The following PDE4D variants were observed in gnomAD, a reference collection of about 807,000 sequenced individuals.
PDE4D encodes 3',5'-cyclic-AMP phosphodiesterase 4D.
Under a neutral mutation model 87.4 loss-of-function variants are expected in PDE4D, and 24 were observed. That is an observed-to-expected ratio of 0.27 (90% CI 0.20 to 0.39). The LOEUF is 0.39. Ranked by LOEUF, PDE4D falls within the 10% of genes least tolerant of loss-of-function variation. The pLI, the probability that PDE4D is intolerant of heterozygous loss-of-function variation, is 1.00. For missense variants in PDE4D, 714 were observed against 1,041.0 expected (o/e 0.69, Z 4.32); for synonymous variants, 384 against 383.2 (o/e 1.00, Z -0.02).
intron 1 of PDE4D, among the ~76,000 whole-genome samples, chr5:60,467,982 G>A (rs1185501437): frequency 2.6e-5 from 4 of 152,100 alleles, no homozygotes; most frequent in Admixed American, 2.6e-4. Context: ...AGATTTGGGT[G>A]GGAACCCAGA....
At chr5:60,142,172 T>C (rs1267078504) in intron 2 of PDE4D, among the ~76,000 whole-genome samples, 1 of 130,748 alleles carries the variant, frequency 7.6e-6, no homozygotes, top group African/African-American at 2.9e-5. Context: ...AAAGTTATAA[T>C]GGACAATACA....
chr5:60,325,101 A>T (rs958936986), intron 1 of PDE4D, among the ~76,000 whole-genome samples: 1 of 152,194 alleles, frequency 6.6e-6, no homozygotes, highest in African/African-American at 2.4e-5. Context: ...TTATATTCTA[A>T]GCCTTAAAAA....
intron 1 of PDE4D, among the ~76,000 whole-genome samples, chr5:60,393,058 GA>G (rs1344913209): frequency 4.6e-5 from 7 of 152,246 alleles, no homozygotes; most frequent in Non-Finnish European, 8.8e-5. Context: ...CTTTGATTGT[GA>G]AACTTCAAGT....
intron 6 of PDE4D, among the ~76,000 whole-genome samples, chr5:59,020,570 C>A (rs1754956963): frequency 6.6e-6 from 1 of 151,878 alleles, no homozygotes; most frequent in African/African-American, 2.4e-5. Context: ...AAGACAGAAA[C>A]CTTGACAAAA....
At chr5:59,100,373 T>C in intron 5 of PDE4D, among the ~76,000 whole-genome samples, 1 of 152,236 alleles carries the variant, frequency 6.6e-6, no homozygotes, top group East Asian at 1.9e-4. Flanking sequence ...TGTAGTTCCC[T>C]TTGTCTGAAA....
intron 1 of PDE4D, among the ~76,000 whole-genome samples, chr5:59,595,546 C>T (rs144199251): frequency 6.6e-5 from 10 of 152,168 alleles, no homozygotes; most frequent in African/African-American, 2.4e-4. Flanking sequence ...AAAAGTACTG[C>T]CTGGAAAAGA....
At chr5:59,700,073 C>G (rs1752344105) in intron 1 of PDE4D, among the ~76,000 whole-genome samples, 1 of 152,098 alleles carries the variant, frequency 6.6e-6, no homozygotes, top group Non-Finnish European at 1.5e-5. Context: ...TTTTAATACC[C>G]TGCACAATGA....
chr5:60,456,563 T>C (rs942335087), intron 1 of PDE4D, among the ~76,000 whole-genome samples: 20 of 152,220 alleles, frequency 1.3e-4, no homozygotes, highest in African/African-American at 4.8e-4. Context: ...CCTGCCCAAT[T>C]AGCACAAGAG....
intron 1 of PDE4D, among the ~76,000 whole-genome samples, chr5:60,415,995 T>C (rs916846519): frequency 6.6e-6 from 1 of 152,216 alleles, no homozygotes; most frequent in East Asian, 1.9e-4. Context: ...ACCCTGTGTC[T>C]ATCTCAGGGT....
intron 3 of PDE4D, among the ~76,000 whole-genome samples, chr5:59,943,210 TC>T (rs1199396754): frequency 1.5e-5 from 1 of 66,278 alleles, no homozygotes; most frequent in African/African-American, 4.7e-5. Flanking sequence ...ATTATTATTA[TC>T]CTTTTTTTTT....
At chr5:59,005,207 A>G (rs1751362534) in intron 6 of PDE4D, among the ~76,000 whole-genome samples, 1 of 152,146 alleles carries the variant, frequency 6.6e-6, no homozygotes, top group African/African-American at 2.4e-5. Context: ...CTTCCCTCTA[A>G]AATCTGCAGC....
At chr5:59,395,164 A>G in intron 1 of PDE4D, among the ~76,000 whole-genome samples, 1 of 151,690 alleles carries the variant, frequency 6.6e-6, no homozygotes, top group East Asian at 1.9e-4. Context: ...AGGGGCGCCC[A>G]CCATTGTCCA....
At chr5:60,484,448 T>C (rs1431490658) in intron 1 of PDE4D, among the ~76,000 whole-genome samples, 2 of 152,188 alleles carry the variant, frequency 1.3e-5, no homozygotes, top group East Asian at 3.8e-4. Flanking sequence ...ATATATCTGA[T>C]ACTTTCCATT....
intron 1 of PDE4D, among the ~76,000 whole-genome samples, chr5:60,363,788 C>T (rs9918264): frequency 0.019 from 2,827 of 152,180 alleles, 76 homozygotes; most frequent in African/African-American, 0.065. Context: ...CAACAAAGAG[C>T]TTGAAGTGAG....
chr5:59,059,433 A>G (rs1311610917), intron 5 of PDE4D, among the ~76,000 whole-genome samples: 1 of 152,212 alleles, frequency 6.6e-6, no homozygotes, highest in Admixed American at 6.6e-5. Context: ...TGTTAGAACA[A>G]GCACGGTAAT....
intron 5 of PDE4D, among the ~76,000 whole-genome samples, chr5:59,071,085 G>A (rs1433593400): frequency 6.6e-6 from 1 of 152,124 alleles, no homozygotes; most frequent in Non-Finnish European, 1.5e-5. Flanking sequence ...TAGTTTGGTT[G>A]AGTATAGAAT....
At chr5:60,381,510 T>C (rs1050116656) in intron 1 of PDE4D, among the ~76,000 whole-genome samples, 1 of 152,182 alleles carries the variant, frequency 6.6e-6, no homozygotes, top group African/African-American at 2.4e-5. Flanking sequence ...AGTCTGAGGG[T>C]GGCCTTGGGA....
In PDE4D at chr5:59,525,847, G is replaced by A. The variant is rs960173215; in HGVS notation, c.456-309879C>T. Among the ~76,000 whole-genome samples, 11 of 152,106 alleles carry A rather than the reference G, an allele frequency of 7.2e-5. 1 individual carries two copies. The highest frequency in any genetic ancestry group is 2.0e-4 in the Admixed American group (3 of 15,272). On this transcript the variant is annotated intron_variant, in intron 1 of 14. Coordinates refer to ENST00000340635, the MANE Select transcript of PDE4D (RefSeq NM_001104631.2). ...TTCCTCTGCACTTCCCTCCCCTGCC[G>A]CCATGTGAATAAGAACGTGTTTGTT...
chr5:59,042,098 G>A (rs551115990), intron 5 of PDE4D, among the ~76,000 whole-genome samples: 5 of 152,276 alleles, frequency 3.3e-5, no homozygotes, highest in African/African-American at 1.2e-4. Flanking sequence ...ACATCTACAT[G>A]CTAGTGAGAA....
Sources: allele counts gnomAD v4.1 joint callset (sites outside exome capture counted in the v4.1 genomes callset), GRCh38; gene constraint gnomAD v4.1.1; transcripts MANE v1.5; gene names NCBI Gene and HGNC (gene_info 2026-07-23, HGNC 2026-07-21).